The following OTOGL variants were observed in gnomAD, a reference collection of about 807,000 sequenced individuals.
OTOGL encodes the protein otogelin like, also known as otogelin-like protein.
Under a neutral mutation model 318.5 loss-of-function variants are expected in OTOGL, and 285 were observed. The observed-to-expected ratio is 0.89, with a 90% CI of 0.81 to 0.99. OTOGL has a LOEUF of 0.99. Ranked by LOEUF, OTOGL falls within the 50% of genes least tolerant of loss-of-function variation. OTOGL has a pLI of 0.00. For missense variants in OTOGL, 2,899 were observed against 2,845.6 expected (o/e 1.02, Z -0.43); for synonymous variants, 987 against 936.5 (o/e 1.05, Z -0.99).
chr12:80,218,995 G>T (rs111889616), intron 5 of OTOGL, among the ~76,000 whole-genome samples: 4,467 of 151,764 alleles, frequency 0.029, 158 homozygotes, highest in East Asian at 0.11. Flanking sequence ...TTGTAATTGA[G>T]CCTGAGGATT....
At chr12:80,250,164 C>G (rs1390921003) in intron 11 of OTOGL, among the ~76,000 whole-genome samples, 3 of 152,320 alleles carry the variant, frequency 2.0e-5, no homozygotes, top group Non-Finnish European at 4.4e-5. Context: ...CGGAGCTGTT[C>G]CTATTCGGCC....
chr12:80,194,788 C>T (rs1875937394), intron 1 of OTOGL, among the ~76,000 whole-genome samples: 1 of 152,036 alleles, frequency 6.6e-6, no homozygotes, highest in African/African-American at 2.4e-5. Flanking sequence ...AAAAAATAAA[C>T]TTTCGCTTGT....
At chr12:80,160,785 C>T (rs11114337) in intron 1 of OTOGL, among the ~76,000 whole-genome samples, 63,464 of 151,982 alleles carry the variant, frequency 0.42, 13,479 homozygotes, top group East Asian at 0.49. Context: ...TTTGCATATG[C>T]ATGTTTACAG....
At chr12:80,280,972 T>C (rs1374370683) in intron 26 of OTOGL, among the ~76,000 whole-genome samples, 1 of 151,840 alleles carries the variant, frequency 6.6e-6, no homozygotes, top group Admixed American at 6.6e-5. Context: ...TGAATGGAAT[T>C]ACATTCTGGA....
chr12:80,109,944 T>C lies in OTOGL; in HGVS notation c.-20+10339T>C, dbSNP rs114281200. 2.2e-3 allele frequency among the ~76,000 whole-genome samples: 329 copies of C among 152,320 alleles called. 1 individual carries two copies. Among genetic ancestry groups the C allele is most frequent in the African/African-American group, 7.7e-3 (319 of 41,574 alleles). ...CTTATAATACTTAAATTTTTTAAAT[T>C]ATACCTTAAGTTCTGGGATACATGT... On this transcript the variant is annotated intron_variant, in intron 1 of 58. Transcript: ENST00000547103.
At chr12:80,368,399 CT>C in intron 55 of OTOGL, 90 bp downstream of exon 55, 3 of 799,106 alleles carry the variant, frequency 3.8e-6, no homozygotes, top group Non-Finnish European at 6.2e-6. Context: ...CCCACACACA[CT>C]GCACTGCATA....
intron 18 of OTOGL, among the ~76,000 whole-genome samples, chr12:80,260,689 T>C (rs1164963011): frequency 2.6e-5 from 4 of 152,160 alleles, no homozygotes; most frequent in Non-Finnish European, 5.9e-5. Context: ...TGAAACGTTA[T>C]TTTATAAAAT....
intron 27 of OTOGL, among the ~76,000 whole-genome samples, chr12:80,301,809 G>C (rs747427672): frequency 4.6e-5 from 7 of 152,166 alleles, no homozygotes; most frequent in Non-Finnish European, 1.0e-4. Flanking sequence ...TGAAACCATA[G>C]ATAGTAGCAG....
At chr12:80,142,262 A>G (rs753435034) in intron 1 of OTOGL, among the ~76,000 whole-genome samples, 8 of 152,182 alleles carry the variant, frequency 5.3e-5, no homozygotes, top group Admixed American at 3.3e-4. Flanking sequence ...GATTGACAGC[A>G]CATCCCAATT....
chr12:80,324,922 G>A (rs1478968474), intron 35 of OTOGL, among the ~76,000 whole-genome samples: 1 of 152,174 alleles, frequency 6.6e-6, no homozygotes, highest in African/African-American at 2.4e-5. Context: ...CGGAGGAAAG[G>A]TCAGGAATTT....
chr12:80,166,781 A>G (rs1371267991), intron 1 of OTOGL, among the ~76,000 whole-genome samples: 1 of 152,172 alleles, frequency 6.6e-6, no homozygotes, highest in Non-Finnish European at 1.5e-5. Context: ...TATATCAATC[A>G]CTGGGATGCA....
intron 1 of OTOGL, among the ~76,000 whole-genome samples, chr12:80,110,970 T>G (rs891657228): frequency 4.6e-5 from 7 of 152,250 alleles, no homozygotes; most frequent in African/African-American, 1.4e-4. Flanking sequence ...TATCTCATTG[T>G]GGTTTTAATT....
At chr12:80,297,217 A>G (rs1271766361) in intron 27 of OTOGL, among the ~76,000 whole-genome samples, 1 of 151,132 alleles carries the variant, frequency 6.6e-6, no homozygotes, top group East Asian at 1.9e-4. Flanking sequence ...ACCCCCACCT[A>G]TTGCCTTAAT....
At chr12:80,346,046 C>T (rs914142357) in intron 44 of OTOGL, among the ~76,000 whole-genome samples, 2 of 152,130 alleles carry the variant, frequency 1.3e-5, no homozygotes, top group Non-Finnish European at 1.5e-5. Context: ...TATTTGGCAT[C>T]GAACCTCCTC....
At chr12:80,197,619 G>A (rs1333190370) in intron 1 of OTOGL, among the ~76,000 whole-genome samples, 2 of 152,212 alleles carry the variant, frequency 1.3e-5, no homozygotes, top group Non-Finnish European at 2.9e-5. Context: ...TTCTGCTACC[G>A]AGGTGATTCT....
intron 1 of OTOGL, among the ~76,000 whole-genome samples, chr12:80,110,248 T>C (rs910603468): frequency 2.6e-5 from 4 of 152,050 alleles, no homozygotes; most frequent in African/African-American, 9.7e-5. Flanking sequence ...TTTGTATTTT[T>C]AGTCGAGATG....
At chr12:80,167,564 A>G (rs1321413333) in intron 1 of OTOGL, among the ~76,000 whole-genome samples, 1 of 152,152 alleles carries the variant, frequency 6.6e-6, no homozygotes, top group Admixed American at 6.6e-5. Flanking sequence ...TATAATTAAA[A>G]TATTTTATGC....
chr12:80,214,466 C>T (rs970000561), intron 4 of OTOGL, among the ~76,000 whole-genome samples: 6 of 152,108 alleles, frequency 3.9e-5, no homozygotes, highest in African/African-American at 1.2e-4. Context: ...TTGGACTCTG[C>T]CCTCAGGCAA....
intron 1 of OTOGL, among the ~76,000 whole-genome samples, chr12:80,108,341 A>G (rs1206259462): frequency 2.0e-5 from 3 of 151,984 alleles, no homozygotes; most frequent in Non-Finnish European, 4.4e-5. Flanking sequence ...ATAATTCTGA[A>G]TAATTGTTCT....
Sources: gnomAD v4.1 joint callset for allele counts (sites outside exome capture counted in the v4.1 genomes callset) on GRCh38, gnomAD v4.1.1 for gene constraint, MANE v1.5 for transcripts, NCBI Gene and HGNC (gene_info 2026-07-23, HGNC 2026-07-21) for gene names.